Variants in DTL observed in about 807,000 individuals in gnomAD.
The protein encoded by DTL is denticleless E3 ubiquitin protein ligase adapter.
DTL carries 46 observed loss-of-function variants against 87.0 expected under a neutral mutation model. The observed-to-expected ratio is 0.53, with a 90% CI of 0.42 to 0.68. DTL has a LOEUF of 0.68. Among genes scored for constraint, DTL ranks in the 30% least tolerant of loss-of-function variants. DTL has a pLI of 0.00. For missense variants in DTL, 737 were observed against 869.4 expected, an observed-to-expected ratio of 0.85 and a Z score of 1.91; for synonymous variants, 308 against 311.2, an observed-to-expected ratio of 0.99 and a Z score of 0.11.
chr1:212,051,442 CTTTTTT>C (rs958429363), intron 5 of DTL: 6 of 197,210 alleles, frequency 3.0e-5, no homozygotes, highest in African/African-American at 1.3e-4. Flanking sequence ...ATATGAAATT[CTTTTTT>C]TTTTTTTTTT....
chr1:212,098,158 A>T (rs1216610412), intron 13 of DTL, among the ~76,000 whole-genome samples: 2 of 152,144 alleles, frequency 1.3e-5, no homozygotes, highest in Non-Finnish European at 2.9e-5. Flanking sequence ...GTGTGAGAGT[A>T]CTTGGTTGTA....
chr1:212,086,691 A>G (rs749124435), intron 13 of DTL, among the ~76,000 whole-genome samples: 8 of 152,202 alleles, frequency 5.3e-5, no homozygotes, highest in Non-Finnish European at 1.0e-4. Context: ...CCCAGCCTTA[A>G]GTACTTTCTA....
At chr1:212,102,219 C>T (rs1439111506) in intron 14 of DTL, among the ~76,000 whole-genome samples, 5 of 152,098 alleles carry the variant, frequency 3.3e-5, no homozygotes, top group Non-Finnish European at 1.5e-5. Context: ...AGAAAAAAGA[C>T]AGTTATAAGG....
At chr1:212,042,867 T>G in intron 1 of DTL, 126 bp from the exon 2 acceptor site, 1 of 893,708 alleles carries the variant, frequency 1.1e-6, no homozygotes, top group Non-Finnish European at 1.6e-6. Flanking sequence ...TCCATAGATA[T>G]TAATAGTAAG....
At chr1:212,066,499 A>G (rs767361551) in intron 7 of DTL, among the ~76,000 whole-genome samples, 4 of 152,250 alleles carry the variant, frequency 2.6e-5, no homozygotes, top group Non-Finnish European at 4.4e-5. Context: ...AAAGTTAAAT[A>G]AGTTTCCTAA....
intron 5 of DTL, among the ~76,000 whole-genome samples, chr1:212,056,138 A>G (rs1165813611): frequency 6.6e-6 from 1 of 152,054 alleles, no homozygotes; most frequent in Non-Finnish European, 1.5e-5. Flanking sequence ...TTGCCCACCC[A>G]CCTGGCCCAC....
intron 13 of DTL, among the ~76,000 whole-genome samples, chr1:212,086,634 C>T (rs1001719755): frequency 1.3e-5 from 2 of 152,198 alleles, no homozygotes; most frequent in African/African-American, 2.4e-5. Context: ...GCAATCCACC[C>T]ACCTCAGTCT....
chr1:212,102,991 C>T lies in DTL; in HGVS notation c.*51C>T, dbSNP rs2102591998. 3 of 1,062,630 alleles carry T rather than the reference C, an allele frequency of 2.8e-6. No homozygotes were observed. The highest frequency in any genetic ancestry group is 2.5e-5 in the East Asian group (1 of 40,742). 65.8% of individuals were successfully genotyped at this position (1,062,630 alleles called of 1,614,324 possible). A position where few individuals can be genotyped will look rare whatever the true frequency, so the allele number is the denominator to read the frequency against. On this transcript the variant is annotated 3_prime_UTR_variant, in exon 15 of 15. Transcript: ENST00000366991. The stretch of plus-strand genomic sequence containing the variant: ...CTTTGGTCCACTAAAACAAGCTGAG[C>T]TTTGGTCCACTAAAACAAGATGAAA...
chr1:212,063,899 T>TC (rs1407229113), intron 6 of DTL, among the ~76,000 whole-genome samples: 1 of 150,740 alleles, frequency 6.6e-6, no homozygotes, highest in African/African-American at 2.4e-5. Context: ...TTTCTTGTTT[T>TC]TTTTTTTTTT....
rs1654887889 is a variant in DTL, at chr1:212,078,149, C to T, written c.1036-24C>T. On this transcript the variant is annotated intron_variant, in intron 11 of 14. Transcript: ENST00000366991. Reference sequence around the variant, plus strand: ...GGGAAATCTAATATTGCTTTGCTGACTTGTTTGTTTTTGATTGGACTAGGT... The same window carrying T: ...GGGAAATCTAATATTGCTTTGCTGATTTGTTTGTTTTTGATTGGACTAGGT... 2.1e-6 allele frequency: 3 copies of T among 1,432,108 alleles called. No homozygotes were observed. The Admixed American group carries it at 5.1e-5, about 24-fold the overall frequency. The allele number at this position is 1,432,108 out of a possible 1,614,324, so 88.7% of individuals were successfully genotyped here.
chr1:212,090,314 G>A (rs1387477517), intron 13 of DTL, among the ~76,000 whole-genome samples: 1 of 152,182 alleles, frequency 6.6e-6, no homozygotes, highest in African/African-American at 2.4e-5. Flanking sequence ...AAAAAGGACA[G>A]GATAATTAAC....
intron 1 of DTL, among the ~76,000 whole-genome samples, 173 bp downstream of exon 1, chr1:212,036,115 C>T (rs1378132669): frequency 2.6e-5 from 4 of 152,166 alleles, no homozygotes; most frequent in African/African-American, 4.8e-5. Flanking sequence ...CTTTCATCCC[C>T]TCGGGACACT....
chr1:212,036,803 TCTCA>T (rs1327338511), intron 1 of DTL, among the ~76,000 whole-genome samples: 1 of 152,198 alleles, frequency 6.6e-6, no homozygotes, highest in Non-Finnish European at 1.5e-5. Flanking sequence ...AGAAATAAAA[TCTCA>T]CTCATGTGAA....
chr1:212,087,667 G>A (rs754489801), intron 13 of DTL, among the ~76,000 whole-genome samples: 8 of 152,126 alleles, frequency 5.3e-5, no homozygotes, highest in East Asian at 1.9e-4. Context: ...AGAGCACTAC[G>A]AAGCAACAAC....
chr1:212,060,433 T>C (rs1668308801), intron 5 of DTL, among the ~76,000 whole-genome samples: 1 of 152,056 alleles, frequency 6.6e-6, no homozygotes, highest in South Asian at 2.1e-4. Flanking sequence ...TCTATCTCAC[T>C]ATATTAAAGA....
intron 10 of DTL, among the ~76,000 whole-genome samples, chr1:212,069,544 A>G (rs931641324): frequency 1.4e-4 from 21 of 151,484 alleles, no homozygotes; most frequent in Admixed American, 7.2e-4. Flanking sequence ...AGATATAGAT[A>G]TAAATTTTTT....
intron 5 of DTL, among the ~76,000 whole-genome samples, chr1:212,056,229 C>T (rs918857732): frequency 2.0e-5 from 3 of 152,190 alleles, no homozygotes; most frequent in African/African-American, 7.2e-5. Flanking sequence ...CCAGTGCCAG[C>T]GTATGCTGCC....
intron 3 of DTL, among the ~76,000 whole-genome samples, chr1:212,046,207 G>A (rs574564087): frequency 1.4e-4 from 21 of 152,342 alleles, no homozygotes; most frequent in African/African-American, 4.6e-4. Context: ...TTAAGGGAAT[G>A]TGTAATTTCT....
chr1:212,095,469 C>G (rs1357601017), intron 13 of DTL, among the ~76,000 whole-genome samples: 1 of 152,138 alleles, frequency 6.6e-6, no homozygotes, highest in Non-Finnish European at 1.5e-5. Context: ...ATTCTCCTGC[C>G]TCAGCCTCCC....
Sources: gnomAD v4.1 joint callset for allele counts (sites outside exome capture counted in the v4.1 genomes callset) on GRCh38, gnomAD v4.1.1 for gene constraint, MANE v1.5 for transcripts, NCBI Gene and HGNC (gene_info 2026-07-23, HGNC 2026-07-21) for gene names.